The following TCF12 variants were observed in gnomAD, a reference collection of about 807,000 sequenced individuals.
The protein encoded by TCF12 is DNA-binding protein HTF4.
A neutral mutation model predicts 86.0 loss-of-function variants in TCF12; 45 were observed. The ratio of observed to expected loss-of-function variants is 0.52; its 90% CI spans 0.41 to 0.67. TCF12 has a LOEUF of 0.67. TCF12 is among the 30% of genes least tolerant of loss of function. The pLI is 0.00. For missense variants in TCF12, 881 were observed against 859.9 expected, an observed-to-expected ratio of 1.02 and a Z score of -0.31; for synonymous variants, 330 against 299.6, an observed-to-expected ratio of 1.10 and a Z score of -1.05.
chr15:57,232,230 A>T, intron 9 of TCF12, 61 bp from the exon 10 acceptor site: 1 of 1,589,788 alleles, frequency 6.3e-7, no homozygotes, highest in Non-Finnish European at 8.6e-7. Flanking sequence ...TTTATAAGCA[A>T]CATCAAAATA....
At chr15:57,147,090 C>T (rs1300652510) in intron 5 of TCF12, among the ~76,000 whole-genome samples, 3 of 152,010 alleles carry the variant, frequency 2.0e-5, no homozygotes, top group Non-Finnish European at 4.4e-5. Flanking sequence ...AATAGCAGTG[C>T]CTTGCATAAA....
chr15:56,958,510 G>A (rs1056209164), intron 3 of TCF12, among the ~76,000 whole-genome samples: 29 of 152,050 alleles, frequency 1.9e-4, no homozygotes, highest in African/African-American at 7.0e-4. Flanking sequence ...TTCCTCATTT[G>A]ATATAGCCAC....
At chr15:56,967,876 C>T (rs1284729129) in intron 3 of TCF12, among the ~76,000 whole-genome samples, 7 of 151,560 alleles carry the variant, frequency 4.6e-5, no homozygotes, top group African/African-American at 7.3e-5. Flanking sequence ...TTTTTTTAAG[C>T]GAGTTAAGTA....
intron 3 of TCF12, among the ~76,000 whole-genome samples, chr15:56,940,370 A>C (rs1368779138): frequency 1.3e-5 from 2 of 151,984 alleles, no homozygotes; most frequent in African/African-American, 4.8e-5. Flanking sequence ...GCTTTTGTTG[A>C]TTGTAGGAAA....
intron 4 of TCF12, among the ~76,000 whole-genome samples, chr15:57,077,568 A>C (rs1236155984): frequency 6.6e-6 from 1 of 151,704 alleles, no homozygotes; most frequent in African/African-American, 2.4e-5. Flanking sequence ...TTTGGATTAC[A>C]GGCTGCCGCC....
At chr15:57,201,220 C>G (rs2057527302) in intron 8 of TCF12, among the ~76,000 whole-genome samples, 1 of 151,632 alleles carries the variant, frequency 6.6e-6, no homozygotes, top group South Asian at 2.1e-4. Flanking sequence ...TATACAAACA[C>G]CATAATTGTC....
Position 57,289,602 on chromosome 15 carries a change from CGTG to C in TCF12, c.*3458_*3460del, listed in dbSNP as rs1295784709. On this transcript the variant is annotated 3_prime_UTR_variant, in exon 21 of 21. Coordinates refer to ENST00000333725, the MANE Select transcript of TCF12 (RefSeq NM_207037.2). Reference sequence around the variant, plus strand: ...GGAAACTCAAAATTTAAACACACGTCGTGTGTGTGTGTGTGTGTGTGTCTGTGT... The same window carrying C: ...GGAAACTCAAAATTTAAACACACGTCTGTGTGTGTGTGTGTGTGTCTGTGT... The C allele has an allele frequency of 6.7e-6, 1 of 149,850 alleles. No individual in the cohort carries two copies. Among genetic ancestry groups the C allele is most frequent in the South Asian group, 2.1e-4 (1 of 4,762 alleles). The allele number at this position is 149,850 out of a possible 1,614,324, so 9.3% of individuals were successfully genotyped here.
At chr15:57,258,347 T>C (rs894021911) in intron 16 of TCF12, among the ~76,000 whole-genome samples, 10 of 152,200 alleles carry the variant, frequency 6.6e-5, no homozygotes, top group African/African-American at 2.4e-4. Flanking sequence ...AATATAAAGT[T>C]AGCGACATCC....
At chr15:57,203,244 C>T (rs577660828) in intron 8 of TCF12, among the ~76,000 whole-genome samples, 1 of 152,296 alleles carries the variant, frequency 6.6e-6, no homozygotes, top group Admixed American at 6.5e-5. Context: ...TTTCTGAACT[C>T]TCAGGAGTCG....
intron 6 of TCF12, among the ~76,000 whole-genome samples, chr15:57,190,925 A>G (rs1458187609): frequency 6.6e-6 from 1 of 152,194 alleles, no homozygotes; most frequent in African/African-American, 2.4e-5. Flanking sequence ...GTATAACAAG[A>G]TGAATTTTAT....
intron 12 of TCF12, among the ~76,000 whole-genome samples, chr15:57,239,841 A>AC (rs2059539635): frequency 6.6e-6 from 1 of 152,030 alleles, no homozygotes; most frequent in Non-Finnish European, 1.5e-5. Flanking sequence ...GGTGGTGATA[A>AC]AAAATTTGGG....
intron 3 of TCF12, among the ~76,000 whole-genome samples, chr15:57,054,307 T>G (rs2962992): frequency 3.3e-5 from 5 of 151,988 alleles, no homozygotes; most frequent in African/African-American, 1.2e-4. Context: ...CAGCAAAAAT[T>G]CATTAAAATG....
chr15:57,289,219 T>A lies in TCF12; in HGVS notation c.*3074T>A, dbSNP rs1162299093. 6.6e-6 allele frequency: 1 copy of A among 152,234 alleles called. No homozygotes were observed. The highest frequency in any genetic ancestry group is 1.5e-5 in the Non-Finnish European group (1 of 68,032). The allele number at this position is 152,234 out of a possible 1,614,324, so 9.4% of individuals were successfully genotyped here. On this transcript the variant is annotated 3_prime_UTR_variant, in exon 21 of 21. Coordinates refer to ENST00000333725, the MANE Select transcript of TCF12 (RefSeq NM_207037.2). ...TTGGGTGCCTAACAGAACATTTTGC[T>A]TCTTGTGGGATTTAGTGAAAACTAT...
chr15:57,153,447 T>C (rs1408976277), intron 5 of TCF12, among the ~76,000 whole-genome samples: 1 of 152,128 alleles, frequency 6.6e-6, no homozygotes, highest in African/African-American at 2.4e-5. Flanking sequence ...TGCCAACCCA[T>C]GATCTATACA....
intron 10 of TCF12, 95 bp from the exon 11 acceptor site, chr15:57,232,617 G>GT (rs2059188868): frequency 6.8e-7 from 1 of 1,464,350 alleles, no homozygotes; most frequent in Non-Finnish European, 9.2e-7. Flanking sequence ...GCTGTAACTT[G>GT]TAAATGCTCT....
chr15:56,980,243 C>T (rs1464944158), intron 3 of TCF12, among the ~76,000 whole-genome samples: 1 of 152,206 alleles, frequency 6.6e-6, no homozygotes, highest in African/African-American at 2.4e-5. Flanking sequence ...CATGCCCTTC[C>T]GTCTCAGGCT....
chr15:56,971,161 C>T (rs934165197), intron 3 of TCF12, among the ~76,000 whole-genome samples: 2 of 152,044 alleles, frequency 1.3e-5, no homozygotes, highest in Non-Finnish European at 2.9e-5. Flanking sequence ...CCTTGGCTCA[C>T]GCCTGTAATC....
intron 3 of TCF12, among the ~76,000 whole-genome samples, chr15:57,048,301 G>T (rs1316328245): frequency 6.6e-6 from 1 of 151,876 alleles, no homozygotes; most frequent in Non-Finnish European, 1.5e-5. Context: ...TCGCTGTGTC[G>T]CCCAGGCTGT....
intron 5 of TCF12, among the ~76,000 whole-genome samples, chr15:57,112,609 T>C (rs1567446695): frequency 6.6e-6 from 1 of 151,670 alleles, no homozygotes; most frequent in Non-Finnish European, 1.5e-5. Context: ...GGAAAAACAG[T>C]GGACAGGCAG....
Sources: gnomAD v4.1 joint callset for allele counts (sites outside exome capture counted in the v4.1 genomes callset) on GRCh38, gnomAD v4.1.1 for gene constraint, MANE v1.5 for transcripts, NCBI Gene and HGNC (gene_info 2026-07-23, HGNC 2026-07-21) for gene names.